PTPN22: variants seen among roughly 807,000 people sequenced by gnomAD.
PTPN22 encodes the protein protein tyrosine phosphatase non-receptor type 22, also known as tyrosine-protein phosphatase non-receptor type 22.
In PTPN22, 85 loss-of-function variants were observed where a neutral mutation model predicts 103.3. That is an observed-to-expected ratio of 0.82 (90% CI 0.69 to 0.99). The LOEUF (loss-of-function observed/expected upper bound fraction) is 0.99. Ranked by LOEUF, PTPN22 falls within the 50% of genes least tolerant of loss-of-function variation. PTPN22 has a pLI of 0.00. For synonymous variants in PTPN22, 323 were observed against 310.2 expected (o/e 1.04, Z -0.43); for missense variants, 865 against 936.9 (o/e 0.92, Z 1.00).
intron 20 of PTPN22, among the ~76,000 whole-genome samples, chr1:113,817,246 G>A (rs991089334): frequency 6.6e-6 from 1 of 152,148 alleles, no homozygotes; most frequent in African/African-American, 2.4e-5. Flanking sequence ...TAAAATTTTA[G>A]GAATGCATAT....
At chr1:113,815,043 A>C in intron 20 of PTPN22, 74 bp from the exon 21 acceptor site, 1 of 1,031,744 alleles carries the variant, frequency 9.7e-7, no homozygotes, top group Non-Finnish European at 1.5e-6. Flanking sequence ...ATTTTAGAGT[A>C]TATTATAATA....
chr1:113,866,508 TCAAAA>T (rs1001959693), intron 1 of PTPN22, among the ~76,000 whole-genome samples: 6 of 145,586 alleles, frequency 4.1e-5, no homozygotes, highest in African/African-American at 1.5e-4. Flanking sequence ...AGACTCCATC[TCAAAA>T]CAACAACAAC....
chr1:113,860,831 A>G (rs1472731754), intron 1 of PTPN22, among the ~76,000 whole-genome samples: 1 of 152,144 alleles, frequency 6.6e-6, no homozygotes, highest in Non-Finnish European at 1.5e-5. Flanking sequence ...TCCTTGTTAT[A>G]CTGTTTTTAT....
intron 17 of PTPN22, 93 bp downstream of exon 17, chr1:113,829,856 T>C (rs1662399416): frequency 7.7e-7 from 1 of 1,304,620 alleles, no homozygotes; most frequent in South Asian, 1.2e-5. Context: ...TGTGTAATCA[T>C]TTTTGTACCT....
intron 13 of PTPN22, among the ~76,000 whole-genome samples, chr1:113,835,454 C>T (rs745963650): frequency 3.3e-5 from 5 of 152,082 alleles, no homozygotes; most frequent in Non-Finnish European, 7.4e-5. Flanking sequence ...GAAGGCAGAG[C>T]TTGCAGTGAG....
At chr1:113,848,544 G>A (rs756003203) in exon 11 of PTPN22, 1 of 1,612,770 alleles carries the variant, frequency 6.2e-7, no homozygotes, top group East Asian at 2.2e-5. Context: ...TTTTACCTCT[G>A]TTCCAGAATG....
Position 113,855,175 on chromosome 1 carries a change from T to A in PTPN22, c.541-126A>T, listed in dbSNP as rs1664935301. ...CATGCATGCAACAAACCTGCACATT[T>A]ACGCCCTTGTGTCTTATATTCATAA... On this transcript the variant is annotated intron_variant, in intron 7 of 20. Coordinates refer to ENST00000359785, the Ensembl canonical transcript of PTPN22. 10 of 787,398 alleles carry A rather than the reference T, an allele frequency of 1.3e-5. No homozygotes were observed. The South Asian group carries it at 1.8e-4, about 14-fold the overall frequency. The allele number at this position is 787,398 out of a possible 1,614,324, so 48.8% of individuals were successfully genotyped here.
intron 5 of PTPN22, 97 bp downstream of exon 5, chr1:113,857,641 T>C: frequency 8.8e-7 from 1 of 1,132,186 alleles, no homozygotes; most frequent in Non-Finnish European, 1.3e-6. Context: ...ACATAAGTTT[T>C]ATCTAGGTAC....
At chr1:113,837,593 G>C in exon 13 of PTPN22, 10 of 1,557,768 alleles carry the variant, frequency 6.4e-6, no homozygotes, top group Non-Finnish European at 7.1e-6. Context: ...AACTTACCTA[G>C]TACAGCTGAC....
intron 5 of PTPN22, among the ~76,000 whole-genome samples, chr1:113,857,090 C>G (rs949489448): frequency 6.6e-6 from 1 of 152,064 alleles, no homozygotes; most frequent in African/African-American, 2.4e-5. Flanking sequence ...AATAACATAT[C>G]TTAGCCCAAT....
intron 11 of PTPN22, among the ~76,000 whole-genome samples, chr1:113,840,469 G>A (rs1185010129): frequency 6.6e-6 from 1 of 152,060 alleles, no homozygotes; most frequent in African/African-American, 2.4e-5. Context: ...CTTAGGAATA[G>A]ATTTAACCAA....
chr1:113,870,856 A>C (rs1343031078), intron 1 of PTPN22, among the ~76,000 whole-genome samples: 1 of 152,186 alleles, frequency 6.6e-6, no homozygotes, highest in Non-Finnish European at 1.5e-5. Flanking sequence ...CGTATCTACA[A>C]AAAAGAAAAA....
intron 10 of PTPN22, among the ~76,000 whole-genome samples, chr1:113,851,265 G>A (rs1003288071): frequency 6.6e-6 from 1 of 151,134 alleles, no homozygotes; most frequent in Admixed American, 6.6e-5. Flanking sequence ...CAATTCTCCC[G>A]CCTCAGCCTC....
chr1:113,830,573 T>C (rs1195544003), intron 16 of PTPN22, among the ~76,000 whole-genome samples: 1 of 152,184 alleles, frequency 6.6e-6, no homozygotes, highest in African/African-American at 2.4e-5. Flanking sequence ...TTTGTTTGAA[T>C]CCAGATTTGA....
At chr1:113,858,642 CCT>C in intron 3 of PTPN22, 69 bp from the exon 4 acceptor site, 2 of 958,890 alleles carry the variant, frequency 2.1e-6, no homozygotes, top group Non-Finnish European at 3.0e-6. Flanking sequence ...TCCTCCGCTT[CCT>C]TTTTTTTTTT....
At chr1:113,841,688 T>G (rs1372254970) in intron 11 of PTPN22, among the ~76,000 whole-genome samples, 1 of 151,498 alleles carries the variant, frequency 6.6e-6, no homozygotes, top group Non-Finnish European at 1.5e-5. Context: ...CTGCAGCCTC[T>G]GCCTCCTGGG....
chr1:113,827,165 T>C (rs1662152732), intron 18 of PTPN22, among the ~76,000 whole-genome samples: 1 of 152,252 alleles, frequency 6.6e-6, no homozygotes, highest in Non-Finnish European at 1.5e-5. Flanking sequence ...ATGACATTTC[T>C]GTTTTCCTAA....
exon 8 of PTPN22, chr1:113,855,042 C>G: frequency 6.2e-7 from 1 of 1,608,444 alleles, no homozygotes; most frequent in Non-Finnish European, 8.5e-7. Flanking sequence ...GTAGATAGTT[C>G]GAGTTTCCTA....
chr1:113,834,366 C>T lies in PTPN22; in HGVS notation c.1968G>A (p.Trp656Ter). The change falls in exon 15 of 21, where the codon TGG becomes TGA. Residue 656 changes from tryptophan to a stop codon, truncating the protein, a stop_gained. Transcript: ENST00000359785. LOFTEE classifies it high-confidence loss of function. ...ATTTCTTTGGTTCAGATGTTCCACC[C>T]CATTCCAGTGATGTTCCAATTTTTA... 2.5e-6 allele frequency: 4 copies of T among 1,613,932 alleles called. No homozygotes were observed. The highest frequency in any genetic ancestry group is 3.4e-6 in the Non-Finnish European group (4 of 1,179,860).
Sources: gnomAD v4.1 joint callset for allele counts (sites outside exome capture counted in the v4.1 genomes callset) on GRCh38, gnomAD v4.1.1 for gene constraint, MANE v1.5 for transcripts, NCBI Gene and HGNC (gene_info 2026-07-23, HGNC 2026-07-21) for gene names.